TRPC1: variants seen among roughly 807,000 people sequenced by gnomAD.
The protein encoded by TRPC1 is short transient receptor potential channel 1.
In TRPC1, 42 loss-of-function variants were observed where a neutral mutation model predicts 88.2. The observed-to-expected ratio is 0.48, with a 90% confidence interval of 0.37 to 0.62. The LOEUF (loss-of-function observed/expected upper bound fraction) is 0.62, where lower values mean the gene tolerates loss of function less well. Ranked by LOEUF, TRPC1 falls within the 20% of genes least tolerant of loss-of-function variation. The pLI is 0.00. For synonymous variants in TRPC1, 288 were observed against 331.8 expected, an observed-to-expected ratio of 0.87 and a Z score of 1.43; for missense variants, 699 against 957.3, an observed-to-expected ratio of 0.73 and a Z score of 3.56.
chr3:142,771,121 G>C (rs1177670164), intron 4 of TRPC1, among the ~76,000 whole-genome samples: 1 of 152,164 alleles, frequency 6.6e-6, no homozygotes, highest in Non-Finnish European at 1.5e-5. Flanking sequence ...AGCTGATCAT[G>C]AGGGATCCAC....
chr3:142,766,762 C>A (rs1160048804), intron 4 of TRPC1, among the ~76,000 whole-genome samples: 7 of 152,116 alleles, frequency 4.6e-5, no homozygotes, highest in Non-Finnish European at 5.9e-5. Context: ...GACTAGCTCT[C>A]CTTGCTCCTC....
At position 142,807,345 on chromosome 3, in the gene TRPC1, T is replaced by C. The variant is rs995198277; in HGVS notation, c.*1110T>C. The C allele has an allele frequency of 6.6e-6, 1 of 152,234 alleles. No individual in the cohort carries two copies. The highest frequency in any genetic ancestry group is 2.1e-4 in the South Asian group (1 of 4,834). The allele number at this position is 152,234 out of a possible 1,614,324, so 9.4% of individuals were successfully genotyped here. A position where few individuals can be genotyped will look rare whatever the true frequency, so the allele number is the denominator to read the frequency against. ...TGCTTAAGATGAAAAGCATTGGTTT[T>C]TTAAAATTAGAGAATAAAATATGTA... On this transcript the variant is annotated 3_prime_UTR_variant, in exon 13 of 13. Transcript: ENST00000476941.
chr3:142,742,605 T>C (rs1236219136), intron 2 of TRPC1, among the ~76,000 whole-genome samples: 1 of 152,186 alleles, frequency 6.6e-6, no homozygotes, highest in East Asian at 1.9e-4. Context: ...GCAAGAACAT[T>C]GATTTAAATA....
intron 1 of TRPC1, among the ~76,000 whole-genome samples, chr3:142,726,376 A>G (rs113187048): frequency 2.0e-4 from 30 of 152,320 alleles, no homozygotes; most frequent in African/African-American, 7.2e-4. Flanking sequence ...GAGAGTTTTA[A>G]TTTATGATAG....
At chr3:142,803,092 C>T (rs895471796) in intron 10 of TRPC1, among the ~76,000 whole-genome samples, 16 of 152,094 alleles carry the variant, frequency 1.1e-4, no homozygotes, top group African/African-American at 3.6e-4. Context: ...GTGATACAGG[C>T]AATAAAAAGA....
intron 9 of TRPC1, among the ~76,000 whole-genome samples, chr3:142,793,236 A>G (rs1230202923): frequency 6.6e-6 from 1 of 152,058 alleles, no homozygotes; most frequent in African/African-American, 2.4e-5. Flanking sequence ...TTAAAATATA[A>G]TTACACTTCA....
chr3:142,752,288 GAGA>G (rs1227698367), intron 4 of TRPC1, among the ~76,000 whole-genome samples: 37 of 152,264 alleles, frequency 2.4e-4, no homozygotes, highest in Non-Finnish European at 4.3e-4. Flanking sequence ...TGATAATAAG[GAGA>G]AGGTCAACAA....
chr3:142,768,085 T>C (rs1316736318), intron 4 of TRPC1, among the ~76,000 whole-genome samples: 1 of 152,086 alleles, frequency 6.6e-6, no homozygotes, highest in African/African-American at 2.4e-5. Flanking sequence ...GCCTTTTTAA[T>C]GTATTAAGAG....
chr3:142,728,230 G>C (rs1172812416), intron 1 of TRPC1, among the ~76,000 whole-genome samples: 1 of 152,070 alleles, frequency 6.6e-6, no homozygotes, highest in African/African-American at 2.4e-5. Flanking sequence ...GGAGAGAGCA[G>C]GTTTTCACCT....
intron 6 of TRPC1, among the ~76,000 whole-genome samples, chr3:142,781,880 T>G (rs1215353438): frequency 1.3e-5 from 2 of 152,144 alleles, no homozygotes; most frequent in Admixed American, 6.5e-5. Context: ...AAATAGGGCC[T>G]GAAATATATA....
intron 4 of TRPC1, among the ~76,000 whole-genome samples, chr3:142,775,008 T>G (rs1935712927): frequency 6.6e-6 from 1 of 152,182 alleles, no homozygotes; most frequent in African/African-American, 2.4e-5. Context: ...TTTGAAACAG[T>G]GTGATAAAAT....
intron 4 of TRPC1, among the ~76,000 whole-genome samples, chr3:142,758,466 C>T (rs1935060176): frequency 6.6e-6 from 1 of 152,050 alleles, no homozygotes; most frequent in Admixed American, 6.5e-5. Flanking sequence ...ATCTTTTGCC[C>T]ATTGTAAAAT....
At chr3:142,744,304 C>G (rs906395023) in intron 3 of TRPC1, among the ~76,000 whole-genome samples, 2 of 151,944 alleles carry the variant, frequency 1.3e-5, no homozygotes, top group African/African-American at 4.8e-5. Flanking sequence ...TCTCATGCTA[C>G]TAGTGAGGCA....
At chr3:142,801,108 ACT>A (rs1203519098) in intron 9 of TRPC1, 2 of 151,924 alleles carry the variant, frequency 1.3e-5, no homozygotes, top group East Asian at 3.9e-4. Flanking sequence ...ACATATACAT[ACT>A]GTTTTATACC....
At chr3:142,742,100 T>G (rs1577951641) in intron 2 of TRPC1, among the ~76,000 whole-genome samples, 1 of 151,632 alleles carries the variant, frequency 6.6e-6, no homozygotes, top group Non-Finnish European at 1.5e-5. Context: ...GAGGCGGAGG[T>G]TGCAGTGAGC....
At chr3:142,735,322 T>C (rs1053420286) in intron 1 of TRPC1, among the ~76,000 whole-genome samples, 15 of 152,240 alleles carry the variant, frequency 9.9e-5, no homozygotes, top group Admixed American at 9.8e-4. Flanking sequence ...TTCAGTATTT[T>C]CTTTTTCTGT....
chr3:142,757,840 A>G (rs1935032398), intron 4 of TRPC1, among the ~76,000 whole-genome samples: 1 of 152,160 alleles, frequency 6.6e-6, no homozygotes, highest in Non-Finnish European at 1.5e-5. Flanking sequence ...TTGTGGGTAC[A>G]TAGTACATAT....
rs575903698 is a variant in TRPC1, at chr3:142,780,147, C to T, written c.765-687C>T. 2.2e-4 allele frequency among the ~76,000 whole-genome samples: 34 copies of T among 152,210 alleles called. No homozygotes were observed. The South Asian group carries it at 7.1e-3, about 32-fold the overall frequency. On this transcript the variant is annotated intron_variant, in intron 5 of 12. Transcript: ENST00000476941. ...ACAGGCCTGAGCCACCGCACCCAGC[C>T]GTAATTGATATTTTTTAAAAGAATT... is the stretch of plus-strand genomic sequence containing the variant.
chr3:142,805,819 A>G (rs1936775783), intron 12 of TRPC1, among the ~76,000 whole-genome samples, 189 bp from the exon 13 acceptor site: 1 of 152,244 alleles, frequency 6.6e-6, no homozygotes, highest in African/African-American at 2.4e-5. Context: ...GCATAAAATT[A>G]AATTCATTAA....
Sources: gnomAD v4.1 joint callset for allele counts (sites outside exome capture counted in the v4.1 genomes callset) on GRCh38, gnomAD v4.1.1 for gene constraint, MANE v1.5 for transcripts, NCBI Gene and HGNC (gene_info 2026-07-23, HGNC 2026-07-21) for gene names.